CENPP: variants seen among roughly 807,000 people sequenced by gnomAD.
The protein encoded by CENPP is centromere protein P.
A neutral mutation model predicts 35.6 loss-of-function variants in CENPP; 24 were observed. That is an observed-to-expected ratio of 0.67 (90% CI 0.49 to 0.95). The LOEUF (loss-of-function observed/expected upper bound fraction) is 0.95. Among genes scored for constraint, CENPP ranks in the 40% least tolerant of loss-of-function variants. The probability of loss-of-function intolerance (pLI) is 0.00; values close to 1 mark genes in which losing one functional copy is unlikely to be tolerated. For synonymous variants in CENPP, 120 were observed against 125.5 expected (o/e 0.96, Z 0.29); for missense variants, 332 against 345.3 (o/e 0.96, Z 0.31).
At chr9:92,607,393 C>A (rs893748990) in intron 5 of CENPP, among the ~76,000 whole-genome samples, 6 of 151,892 alleles carry the variant, frequency 4.0e-5, no homozygotes, top group African/African-American at 1.5e-4. Flanking sequence ...CTGGTGGTTG[C>A]TTATGGCTGT....
intron 5 of CENPP, among the ~76,000 whole-genome samples, chr9:92,551,918 T>G (rs1172135074): frequency 3.2e-5 from 2 of 61,722 alleles, no homozygotes; most frequent in Non-Finnish European, 6.1e-5. Context: ...ATATATATGG[T>G]GTGTGTGTAT....
At chr9:92,468,546 A>ATC (rs1845396744) in intron 5 of CENPP, among the ~76,000 whole-genome samples, 1 of 152,204 alleles carries the variant, frequency 6.6e-6, no homozygotes, top group Non-Finnish European at 1.5e-5. Context: ...TTTGTGTAAG[A>ATC]ACCCAAGTGC....
intron 5 of CENPP, among the ~76,000 whole-genome samples, chr9:92,546,801 AAAC>A (rs1482209858): frequency 6.6e-6 from 1 of 152,228 alleles, no homozygotes; most frequent in African/African-American, 2.4e-5. Context: ...TTCTTTAAAA[AAAC>A]AATAAAATTG....
intron 5 of CENPP, among the ~76,000 whole-genome samples, chr9:92,504,868 G>A (rs1846903265): frequency 6.6e-6 from 1 of 152,164 alleles, no homozygotes; most frequent in African/African-American, 2.4e-5. Flanking sequence ...GGAAATGAGG[G>A]GTGTTGACAT....
chr9:92,597,398 A>G (rs927296422), intron 5 of CENPP, among the ~76,000 whole-genome samples: 6 of 152,198 alleles, frequency 3.9e-5, no homozygotes, highest in African/African-American at 1.4e-4. Flanking sequence ...AATCTCCCTT[A>G]TTCTGTGAAA....
At chr9:92,566,312 C>T (rs975695428) in intron 5 of CENPP, among the ~76,000 whole-genome samples, 1 of 147,088 alleles carries the variant, frequency 6.8e-6, no homozygotes, top group African/African-American at 2.5e-5. Flanking sequence ...AAAAAAAAAA[C>T]AAAAACACAA....
chr9:92,534,951 C>A (rs1369444654), intron 5 of CENPP, among the ~76,000 whole-genome samples: 2 of 152,150 alleles, frequency 1.3e-5, no homozygotes, highest in Non-Finnish European at 2.9e-5. Flanking sequence ...TCTCAGGCAT[C>A]CTGCTGTCCT....
chr9:92,561,201 C>A (rs1394843688), intron 5 of CENPP, among the ~76,000 whole-genome samples: 2 of 152,168 alleles, frequency 1.3e-5, no homozygotes, highest in Non-Finnish European at 2.9e-5. Context: ...TGCCAGCTTC[C>A]ATTTGGTCAC....
At position 92,494,542 on chromosome 9, in the gene CENPP, A is replaced by ATATTAT. The variant is rs1162909085; in HGVS notation, c.564+114688_564+114693dup. Reference sequence around the variant, plus strand: ...ACTCTTGAGTCTAACAGTTATCTTCATATTATTATTGTTGTTCATGTTATA... The same window carrying ATATTAT: ...ACTCTTGAGTCTAACAGTTATCTTCATATTATTATTATTATTGTTGTTCATGTTATA... On this transcript the variant is annotated intron_variant, in intron 5 of 7. Coordinates refer to ENST00000375587, the MANE Select transcript of CENPP (RefSeq NM_001012267.3). 3.3e-5 allele frequency among the ~76,000 whole-genome samples: 5 copies of ATATTAT among 152,246 alleles called. No individual in the cohort carries two copies. The East Asian group carries it at 9.7e-4, about 29-fold the overall frequency.
intron 5 of CENPP, among the ~76,000 whole-genome samples, chr9:92,392,029 A>G (rs991374509): frequency 3.3e-5 from 5 of 152,058 alleles, no homozygotes; most frequent in African/African-American, 1.2e-4. Flanking sequence ...GATTTTTTTC[A>G]GAACTCTTGA....
intron 5 of CENPP, among the ~76,000 whole-genome samples, chr9:92,451,858 C>G (rs1042532304): frequency 5.3e-5 from 8 of 151,852 alleles, no homozygotes; most frequent in Non-Finnish European, 1.0e-4. Flanking sequence ...CTCTTTGAAG[C>G]AATTGTGAAT....
At chr9:92,570,421 A>T (rs564799578) in intron 5 of CENPP, among the ~76,000 whole-genome samples, 1 of 152,280 alleles carries the variant, frequency 6.6e-6, no homozygotes, top group African/African-American at 2.4e-5. Context: ...CATCCCAGGG[A>T]TGAAGCCCAC....
chr9:92,443,664 T>G (rs1844478559), intron 5 of CENPP, among the ~76,000 whole-genome samples: 1 of 152,096 alleles, frequency 6.6e-6, no homozygotes, highest in Non-Finnish European at 1.5e-5. Context: ...CAAAGTTTTT[T>G]TTTTTTGTTT....
intron 5 of CENPP, chr9:92,389,815 T>C (rs372802118): frequency 2.1e-4 from 284 of 1,332,894 alleles, no homozygotes; most frequent in Non-Finnish European, 2.9e-4. Flanking sequence ...TATCATATCA[T>C]CACTCATACT....
intron 5 of CENPP, among the ~76,000 whole-genome samples, chr9:92,423,211 C>T (rs917091112): frequency 1.3e-5 from 2 of 151,984 alleles, no homozygotes; most frequent in African/African-American, 2.4e-5. Context: ...CCTAGTACAT[C>T]GTGTAGCAGG....
intron 5 of CENPP, chr9:92,500,736 T>C: frequency 6.2e-7 from 1 of 1,609,098 alleles, no homozygotes; most frequent in Non-Finnish European, 8.5e-7. Flanking sequence ...CCGTATCTTG[T>C]TGTTGTTCAG....
chr9:92,512,614 T>C (rs1399058421), intron 5 of CENPP, among the ~76,000 whole-genome samples: 1 of 152,230 alleles, frequency 6.6e-6, no homozygotes, highest in Non-Finnish European at 1.5e-5. Flanking sequence ...GGGGAGATCA[T>C]CTCCCAGACT....
intron 3 of CENPP, among the ~76,000 whole-genome samples, chr9:92,341,186 G>A (rs1405147427): frequency 1.3e-5 from 2 of 152,148 alleles, no homozygotes; most frequent in Admixed American, 6.5e-5. Context: ...GTTCAGACCA[G>A]TTGATCTCAA....
intron 5 of CENPP, among the ~76,000 whole-genome samples, chr9:92,544,307 C>A (rs1249117320): frequency 6.6e-6 from 1 of 152,182 alleles, no homozygotes; most frequent in Non-Finnish European, 1.5e-5. Context: ...AAAATCCCGT[C>A]TCTACTAAAA....
Sources: gnomAD v4.1 joint callset for allele counts (sites outside exome capture counted in the v4.1 genomes callset) on GRCh38, gnomAD v4.1.1 for gene constraint, MANE v1.5 for transcripts, NCBI Gene and HGNC (gene_info 2026-07-23, HGNC 2026-07-21) for gene names.